CCNYL1: variants seen among roughly 807,000 people sequenced by gnomAD.
CCNYL1 encodes cyclin-Y-like protein 1.
A neutral mutation model predicts 44.2 loss-of-function variants in CCNYL1; 16 were observed. That is an observed-to-expected ratio of 0.36 (90% confidence interval 0.25 to 0.55). CCNYL1 has a LOEUF of 0.55. Among genes scored for constraint, CCNYL1 ranks in the 20% least tolerant of loss-of-function variants. The pLI is 0.85. For missense variants in CCNYL1, 348 were observed against 451.8 expected (o/e 0.77, Z 2.08); for synonymous variants, 159 against 163.2 (o/e 0.97, Z 0.20).
At chr2:207,722,729 G>T (rs909073532) in intron 1 of CCNYL1, among the ~76,000 whole-genome samples, 1 of 152,070 alleles carries the variant, frequency 6.6e-6, no homozygotes. Context: ...GGGAGGCCGA[G>T]GGGGGCAGAT....
rs567035177 is a variant in CCNYL1 at position 207,755,686 on chromosome 2, G to A, written c.*1988G>A. 6.6e-6 allele frequency: 1 copy of A among 152,312 alleles called. No individual in the cohort carries two copies. The highest frequency in any genetic ancestry group is 2.4e-5 in the African/African-American group (1 of 41,582). The allele number at this position is 152,312 out of a possible 1,614,324, so 9.4% of individuals were successfully genotyped here. On this transcript the variant is annotated 3_prime_UTR_variant, in exon 10 of 10. Coordinates refer to ENST00000295414, the MANE Select transcript of CCNYL1 (RefSeq NM_001330218.2). ...CATCCTACATGCTACCAAGCTGTAG[G>A]TGTCCCATTAAGTCCTGCTATTTAA... is the stretch of plus-strand genomic sequence containing the variant.
chr2:207,748,231 G>C (rs1025563895), intron 8 of CCNYL1, among the ~76,000 whole-genome samples: 2 of 152,146 alleles, frequency 1.3e-5, no homozygotes, highest in African/African-American at 4.8e-5. Flanking sequence ...AAGCTCCAGC[G>C]TTCCCCTCAG....
intron 1 of CCNYL1, among the ~76,000 whole-genome samples, chr2:207,719,725 T>C (rs1471831630): frequency 6.6e-6 from 1 of 152,008 alleles, no homozygotes; most frequent in Admixed American, 6.6e-5. Flanking sequence ...TTTGCCAAGG[T>C]TTTTTAATTT....
At chr2:207,729,271 AC>A (rs1559167566) in intron 3 of CCNYL1, among the ~76,000 whole-genome samples, 10 of 31,518 alleles carry the variant, frequency 3.2e-4, no homozygotes, top group South Asian at 2.6e-3. Context: ...CCCCCACCCC[AC>A]CCCCCCCACC....
intron 8 of CCNYL1, among the ~76,000 whole-genome samples, chr2:207,747,954 G>A (rs1575224170): frequency 6.6e-6 from 1 of 152,228 alleles, no homozygotes; most frequent in East Asian, 1.9e-4. Context: ...CATGTGACCA[G>A]TAGGGTATAA....
chr2:207,716,030 A>C (rs1021328643), intron 1 of CCNYL1, among the ~76,000 whole-genome samples: 2 of 152,194 alleles, frequency 1.3e-5, no homozygotes, highest in Non-Finnish European at 2.9e-5. Flanking sequence ...GATAGACTCA[A>C]AGTATTTTCT....
intron 7 of CCNYL1, 72 bp from the exon 8 acceptor site, chr2:207,746,975 C>G: frequency 1.0e-6 from 1 of 995,114 alleles, no homozygotes; most frequent in East Asian, 2.8e-5. Flanking sequence ...AACTCCGTCT[C>G]AAAAAAAAAA....
intron 5 of CCNYL1, among the ~76,000 whole-genome samples, chr2:207,737,709 A>G (rs532426035): frequency 1.3e-5 from 2 of 152,056 alleles, no homozygotes; most frequent in East Asian, 1.9e-4. Flanking sequence ...AAAAAACCCT[A>G]TATTTAGTTT....
intron 3 of CCNYL1, among the ~76,000 whole-genome samples, chr2:207,730,560 C>G (rs2105827454): frequency 6.6e-6 from 1 of 152,228 alleles, no homozygotes; most frequent in African/African-American, 2.4e-5. Flanking sequence ...GAGTTCCAGA[C>G]CAGCCTTGCC....
intron 5 of CCNYL1, among the ~76,000 whole-genome samples, chr2:207,738,268 T>C (rs1434121940): frequency 2.0e-5 from 3 of 152,334 alleles, no homozygotes; most frequent in East Asian, 1.9e-4. Context: ...TTGCCCAGGC[T>C]GGAGTGCAGT....
chr2:207,717,639 G>T (rs190909108), intron 1 of CCNYL1, among the ~76,000 whole-genome samples: 67 of 152,304 alleles, frequency 4.4e-4, no homozygotes, highest in African/African-American at 1.6e-3. Context: ...CCTGTGAGCA[G>T]TCCTAAAGTG....
intron 1 of CCNYL1, among the ~76,000 whole-genome samples, chr2:207,716,662 A>G (rs919131872): frequency 4.9e-4 from 74 of 152,294 alleles, no homozygotes; most frequent in Middle Eastern, 3.4e-3. Context: ...ATGATTGGGC[A>G]TCTTTTCTAG....
chr2:207,725,757 T>C (rs942124004), intron 2 of CCNYL1, among the ~76,000 whole-genome samples: 6 of 152,236 alleles, frequency 3.9e-5, no homozygotes, highest in South Asian at 2.1e-4. Context: ...ACATTTTCCT[T>C]GTCCTGCTTG....
chr2:207,752,430 A>C (rs886348286), intron 9 of CCNYL1, among the ~76,000 whole-genome samples: 6 of 151,946 alleles, frequency 3.9e-5, no homozygotes, highest in Non-Finnish European at 7.4e-5. Context: ...GTTACTCAGG[A>C]GGCTGAGGCA....
chr2:207,747,572 G>A (rs1323028846), intron 8 of CCNYL1, among the ~76,000 whole-genome samples: 2 of 152,054 alleles, frequency 1.3e-5, no homozygotes, highest in Non-Finnish European at 1.5e-5. Context: ...GTTTTGAGAC[G>A]GAGTCTTGCT....
chr2:207,734,324 G>A (rs1448884202), intron 4 of CCNYL1, among the ~76,000 whole-genome samples: 3 of 152,204 alleles, frequency 2.0e-5, no homozygotes, highest in African/African-American at 4.8e-5. Context: ...AGACAGTGTC[G>A]AACATAATGT....
chr2:207,716,021 A>G (rs1181379233), intron 1 of CCNYL1, among the ~76,000 whole-genome samples: 1 of 152,206 alleles, frequency 6.6e-6, no homozygotes, highest in Non-Finnish European at 1.5e-5. Context: ...AACATTTCAG[A>G]TAGACTCAAA....
At position 207,753,673 on chromosome 2, in the gene CCNYL1, A is replaced by G. The variant is rs1406522772; in HGVS notation, c.1055A>G (p.Gln352Arg). 1 of 1,611,448 alleles carries G rather than the reference A, an allele frequency of 6.2e-7. No individual in the cohort carries two copies. Among genetic ancestry groups the G allele is most frequent in the East Asian group, 2.2e-5 (1 of 44,844 alleles). ...SFSADNFIGI[Q>R]RSKAILS ...AGTGCTGATAACTTCATTGGTATTC[A>G]GCGCTCTAAAGCCATCCTCTCTTAA... The change falls in exon 10 of 10, where the codon CAG becomes CGG. Residue 352 changes from glutamine to arginine, a missense_variant. This residue lies in a region of CCNYL1 where 94 missense variants were observed against 102.4 expected (regional missense o/e 0.92). Coordinates refer to ENST00000295414, the MANE Select transcript of CCNYL1 (RefSeq NM_001330218.2).
chr2:207,713,627 C>A (rs906151453), intron 1 of CCNYL1, among the ~76,000 whole-genome samples: 5 of 152,086 alleles, frequency 3.3e-5, no homozygotes, highest in African/African-American at 9.7e-5. Flanking sequence ...TCATTTGTTT[C>A]GTATAAATGC....
Sources: allele counts gnomAD v4.1 joint callset (sites outside exome capture counted in the v4.1 genomes callset), GRCh38; gene constraint gnomAD v4.1.1; regional missense constraint gnomAD v4.1.1; transcripts MANE v1.5; gene names NCBI Gene and HGNC (gene_info 2026-07-23, HGNC 2026-07-21).